The following VWDE variants were observed in gnomAD, a reference collection of about 807,000 sequenced individuals.
VWDE encodes von Willebrand factor D and EGF domain-containing protein.
In VWDE, 207 loss-of-function variants were observed where a neutral mutation model predicts 178.4. The ratio of observed to expected loss-of-function variants is 1.16; its 90% CI spans 1.04 to 1.30. The LOEUF is 1.30. Ranked by LOEUF, VWDE falls within the 50% of genes most tolerant of loss-of-function variation. The pLI is 0.00. For missense variants in VWDE, 2,287 were observed against 1,901.3 expected (o/e 1.20, Z -3.77); for synonymous variants, 738 against 651.4 (o/e 1.13, Z -2.02).
intron 10 of VWDE, among the ~76,000 whole-genome samples, chr7:12,371,737 A>C (rs952790620): frequency 3.9e-5 from 6 of 152,126 alleles, no homozygotes; most frequent in African/African-American, 1.4e-4. Context: ...TATTTTGGGC[A>C]TATCTTCGCC....
chr7:12,355,302 G>A (rs1192400611), intron 18 of VWDE, among the ~76,000 whole-genome samples: 1 of 151,944 alleles, frequency 6.6e-6, no homozygotes, highest in Admixed American at 6.6e-5. Flanking sequence ...TGTAGTCCCA[G>A]CCACTCGGGA....
At chr7:12,331,678 A>C (rs1252065286) in intron 28 of VWDE, among the ~76,000 whole-genome samples, 1 of 152,106 alleles carries the variant, frequency 6.6e-6, no homozygotes, top group Non-Finnish European at 1.5e-5. Context: ...TTTAATCCTT[A>C]CAATAAGCCT....
At chr7:12,394,493 A>G (rs1484567916) in intron 1 of VWDE, among the ~76,000 whole-genome samples, 1 of 152,146 alleles carries the variant, frequency 6.6e-6, no homozygotes, top group Non-Finnish European at 1.5e-5. Context: ...GGCCTGGAAG[A>G]TACTTTTTCC....
At position 12,369,948 on chromosome 7, in the gene VWDE, A is replaced by G. The variant is rs1783082383; in HGVS notation, c.2358T>C (p.Asp786=). 4 of 1,551,482 alleles carry G rather than the reference A, an allele frequency of 2.6e-6. No homozygotes were observed. Among genetic ancestry groups the G allele is most frequent in the Non-Finnish European group, 2.6e-6 (3 of 1,146,876 alleles). Residue 786 remains aspartate, a synonymous_variant, in exon 12 of 29, where the codon GAT becomes GAC. Transcript: ENST00000275358. ...TYFFPEDHAE[D]VQQEFFPSWP... ...AAGAGGGGAAAAACTCTTGCTGTAC[A>G]TCCTCAGCATGGTCCTCTGGGAAAA...
intron 10 of VWDE, among the ~76,000 whole-genome samples, chr7:12,371,839 C>T (rs1583319303): frequency 6.6e-6 from 1 of 152,042 alleles, no homozygotes; most frequent in East Asian, 1.9e-4. Flanking sequence ...TTAGTTAAAC[C>T]TGTTTATTGA....
chr7:12,343,203 T>A (rs1372672606), intron 21 of VWDE, 25 bp from the exon 22 acceptor site: 1 of 1,501,074 alleles, frequency 6.7e-7, no homozygotes, highest in East Asian at 2.5e-5. Context: ...TATGTTATTA[T>A]GTCAGTTCTT....
chr7:12,375,225 T>C lies in VWDE; in HGVS notation c.1027A>G (p.Arg343Gly). 6.5e-7 allele frequency: 1 copy of C among 1,549,286 alleles called. No individual in the cohort carries two copies. Among genetic ancestry groups the C allele is most frequent in the East Asian group, 2.4e-5 (1 of 40,872 alleles). Residue 343 changes from arginine (R) to glycine (G), a missense_variant and splice_region_variant, in exon 8 of 29, where the codon AGA (arginine) becomes GGA (glycine). Physicochemically the swap from Arg to Gly is moderately radical, Grantham distance 125. Coordinates refer to ENST00000275358, the MANE Select transcript of VWDE (RefSeq NM_001135924.3). ...GCCAAATTTAAGCCTAGGTGCTCTC[T>C]ACCTATTTAATGAAAAAATAGGTTT... ...SLKLKTIGQGREHLGLNLALS... is the reference protein window; with the variant it reads ...SLKLKTIGQGGEHLGLNLALS...
chr7:12,403,830 G>T lies in VWDE; in HGVS notation c.-114C>A. ...CTTTCTTGGATTTTCTCAGTCTGTT[G>T]CTGCTTGGAACAGGGAAGCTCCGCG... On this transcript the variant is annotated 5_prime_UTR_variant, in exon 1 of 29. Transcript: ENST00000275358. 8.5e-7 allele frequency: 1 copy of T among 1,174,604 alleles called. No homozygotes were observed. The highest frequency in any genetic ancestry group is 1.5e-5 in the African/African-American group (1 of 65,882). The allele number at this position is 1,174,604 out of a possible 1,614,324, so 72.8% of individuals were successfully genotyped here. A position where few individuals can be genotyped will look rare whatever the true frequency, so the allele number is the denominator to read the frequency against.
At chr7:12,365,917 C>G (rs1180823483) in intron 13 of VWDE, among the ~76,000 whole-genome samples, 3 of 151,994 alleles carry the variant, frequency 2.0e-5, no homozygotes, top group Non-Finnish European at 4.4e-5. Context: ...AATCTCATCT[C>G]GAATTGTAAT....
chr7:12,347,085 G>A (rs577558451), intron 19 of VWDE, among the ~76,000 whole-genome samples: 2 of 152,260 alleles, frequency 1.3e-5, no homozygotes, highest in East Asian at 3.9e-4. Context: ...AGTGAGGTAA[G>A]CACAGTTGTG....
chr7:12,359,778 T>A (rs1782473120), intron 15 of VWDE, 86 bp from the exon 16 acceptor site: 1 of 766,652 alleles, frequency 1.3e-6, no homozygotes, highest in Non-Finnish European at 2.1e-6. Context: ...GTGTATGTAT[T>A]GATGATTCCA....
chr7:12,331,226 C>A (rs1298226171), intron 28 of VWDE, 29 bp from the exon 29 acceptor site: 2 of 1,532,834 alleles, frequency 1.3e-6, no homozygotes, highest in South Asian at 1.2e-5. Flanking sequence ...AATTGTGTTT[C>A]AATGAATAGT....
At chr7:12,401,267 T>A (rs1461379001) in intron 1 of VWDE, among the ~76,000 whole-genome samples, 2 of 152,118 alleles carry the variant, frequency 1.3e-5, no homozygotes, top group African/African-American at 2.4e-5. Flanking sequence ...TGGAAAGGAA[T>A]AAGTAATACC....
At chr7:12,374,520 C>T (rs1783400669) in intron 9 of VWDE, among the ~76,000 whole-genome samples, 169 bp downstream of exon 9, 1 of 151,888 alleles carries the variant, frequency 6.6e-6, no homozygotes, top group South Asian at 2.1e-4. Context: ...GATTTTAAGG[C>T]AAAAAATTCT....
intron 18 of VWDE, chr7:12,354,035 C>A (rs4721091): frequency 0.87 from 137,242 of 157,948 alleles, 59,828 homozygotes; most frequent in Admixed American, 0.9. Context: ...TTTTTTAAAA[C>A]TTTTTCATTA....
intron 9 of VWDE, 41 bp from the exon 10 acceptor site, chr7:12,373,288 A>AT (rs1243524473): frequency 6.5e-7 from 1 of 1,531,012 alleles, no homozygotes; most frequent in Non-Finnish European, 8.8e-7. Flanking sequence ...AAATCGTGTA[A>AT]AATATCACAA....
At chr7:12,387,905 G>C (rs1434499529) in intron 3 of VWDE, among the ~76,000 whole-genome samples, 1 of 152,046 alleles carries the variant, frequency 6.6e-6, no homozygotes, top group Non-Finnish European at 1.5e-5. Context: ...AAAAATAATA[G>C]AGAATTTGCA....
rs958633568 is a variant in VWDE at position 12,337,057 on chromosome 7, C to G, written c.4489G>C (p.Gly1497Arg). ...GTGCTTGGTCCCACACATTTTCCTC[C>G]ATTCATGCACGTAGGATCACAGATG... ...KSICDPTCMN[G>R]GKCVGPSTCS... The change falls in exon 26 of 29, where the codon GGA becomes CGA. Residue 1497 changes from glycine (G) to arginine (R), a missense_variant. Coordinates refer to ENST00000275358, the MANE Select transcript of VWDE (RefSeq NM_001135924.3). 2.4e-5 allele frequency: 37 copies of G among 1,551,500 alleles called. No homozygotes were observed. In the Admixed American group the frequency reaches 3.3e-4, roughly 14 times the overall value.
chr7:12,336,151 C>A lies in VWDE; in HGVS notation c.4644G>T (p.Arg1548=). The change falls in exon 27 of 29, where the codon CGG becomes CGT. Residue 1548 remains arginine (R), a synonymous_variant. Coordinates refer to ENST00000275358, the MANE Select transcript of VWDE (RefSeq NM_001135924.3). ...CHCPSSWEGV[R]CQIPICNPKC... is the part of the protein sequence containing the mutation. ...ATCCTGTGGGCTTACGTATTTGACACCGCACTCCTTCCCAGGAGGAAGGAC... is the reference window on the plus strand; with the variant it reads ...ATCCTGTGGGCTTACGTATTTGACAACGCACTCCTTCCCAGGAGGAAGGAC... The A allele has an allele frequency of 6.4e-7, 1 of 1,550,818 alleles. No homozygotes were observed. Among genetic ancestry groups the A allele is most frequent in the Non-Finnish European group, 8.7e-7 (1 of 1,146,690 alleles).
Sources: gnomAD v4.1 joint callset for allele counts (sites outside exome capture counted in the v4.1 genomes callset) on GRCh38, gnomAD v4.1.1 for gene constraint, MANE v1.5 for transcripts, NCBI Gene and HGNC (gene_info 2026-07-23, HGNC 2026-07-21) for gene names.